The following MAP9 variants were observed in gnomAD, a reference collection of about 807,000 sequenced individuals.
MAP9 encodes the protein microtubule associated protein 9.
Under a neutral mutation model 75.2 loss-of-function variants are expected in MAP9, and 80 were observed. The observed-to-expected ratio is 1.06, with a 90% CI of 0.89 to 1.28. MAP9 has a LOEUF of 1.28. Ranked by LOEUF, MAP9 falls within the 50% of genes most tolerant of loss-of-function variation. The pLI is 0.00. For missense variants in MAP9, 753 were observed against 719.9 expected (o/e 1.05, Z -0.53); for synonymous variants, 235 against 237.3 (o/e 0.99, Z 0.09).
intron 5 of MAP9, chr4:155,363,050 G>C (rs1042488323): frequency 4.6e-5 from 7 of 152,098 alleles, no homozygotes; most frequent in African/African-American, 1.7e-4. Flanking sequence ...CTGAGTCTAG[G>C]ACCATCAGAT....
chr4:155,365,413 A>G (rs1054410555), intron 5 of MAP9, among the ~76,000 whole-genome samples: 4 of 152,130 alleles, frequency 2.6e-5, no homozygotes, highest in Non-Finnish European at 5.9e-5. Flanking sequence ...ACATAACTGG[A>G]TATTTTAATA....
intron 8 of MAP9, chr4:155,357,012 A>G (rs572313512): frequency 4.1e-4 from 68 of 165,490 alleles, no homozygotes; most frequent in Non-Finnish European, 7.8e-4. Flanking sequence ...TTCTCATGTT[A>G]GACAATGATA....
At position 155,346,486 on chromosome 4, in the gene MAP9, T is replaced by A. The variant is rs775320775; in HGVS notation, c.*1297A>T. 2 of 152,140 alleles carry A rather than the reference T, an allele frequency of 1.3e-5. No individual in the cohort carries two copies. The highest frequency in any genetic ancestry group is 2.9e-5 in the Non-Finnish European group (2 of 68,038). The allele number at this position is 152,140 out of a possible 1,614,324, so 9.4% of individuals were successfully genotyped here. On this transcript the variant is annotated 3_prime_UTR_variant, in exon 14 of 14. Transcript: ENST00000311277. Reference sequence around the variant, plus strand: ...AGAAGTGTGAAAAAGAGCATAGAGATTTCAGAAGGAGGCAGATTCAGTCAG... The same window carrying A: ...AGAAGTGTGAAAAAGAGCATAGAGAATTCAGAAGGAGGCAGATTCAGTCAG...
In MAP9 at chr4:155,373,189, T is replaced by G. The variant is rs1732680629; in HGVS notation, c.428A>C (p.Lys143Thr). The change falls in exon 4 of 14, where the codon AAA (lysine) becomes ACA (threonine). Residue 143 changes from lysine to threonine, a missense_variant. Coordinates refer to ENST00000311277, the MANE Select transcript of MAP9 (RefSeq NM_001039580.2). ...QNKDEEFEKD[K>T]IKMKPKPRIL... Reference sequence around the variant, plus strand: ...TCTGGGTTTAGGTTTCATTTTTATTTTGTCTTTTTCAAATTCCTCATCCTT... The same window carrying G: ...TCTGGGTTTAGGTTTCATTTTTATTGTGTCTTTTTCAAATTCCTCATCCTT... 3.8e-6 allele frequency: 6 copies of G among 1,597,886 alleles called. No individual in the cohort carries two copies. Among genetic ancestry groups the G allele is most frequent in the Non-Finnish European group, 4.3e-6 (5 of 1,173,732 alleles).
At chr4:155,375,086 T>C in intron 2 of MAP9, 65 bp from the exon 3 acceptor site, 1 of 1,182,206 alleles carries the variant, frequency 8.5e-7, no homozygotes, top group Non-Finnish European at 1.2e-6. Flanking sequence ...CAAGTAATTC[T>C]TTAAACAAAC....
At chr4:155,348,122 GC>G (rs1731351518) in intron 13 of MAP9, among the ~76,000 whole-genome samples, 1 of 152,124 alleles carries the variant, frequency 6.6e-6, no homozygotes, top group Admixed American at 6.6e-5. Flanking sequence ...GATTGTTTGA[GC>G]CTGGGAGTTC....
rs1251212750 is a variant in MAP9, at chr4:155,344,325, C to T, written c.*3458G>A. On this transcript the variant is annotated 3_prime_UTR_variant, in exon 14 of 14. Coordinates refer to ENST00000311277, the MANE Select transcript of MAP9 (RefSeq NM_001039580.2). The stretch of plus-strand genomic sequence containing the variant: ...GTTAGTGTGAAAGTTTTATCAATAT[C>T]GAAATTGTGGAATGGTGAGCAGAAT... 6.6e-6 allele frequency: 1 copy of T among 151,736 alleles called. No individual in the cohort carries two copies. The highest frequency in any genetic ancestry group is 1.9e-4 in the East Asian group (1 of 5,182). 9.4% of individuals were successfully genotyped at this position (151,736 alleles called of 1,614,324 possible). A position where few individuals can be genotyped will look rare whatever the true frequency, so the allele number is the denominator to read the frequency against.
At chr4:155,357,118 G>A (rs1218212693) in intron 8 of MAP9, 1 of 225,404 alleles carries the variant, frequency 4.4e-6, no homozygotes, top group African/African-American at 2.4e-5. Context: ...CTCTATTCCA[G>A]AAGCAGTCTG....
intron 3 of MAP9, 84 bp downstream of exon 3, chr4:155,374,852 GA>G (rs1732767439): frequency 2.7e-6 from 2 of 731,906 alleles, no homozygotes; most frequent in Admixed American, 4.9e-5. Context: ...TGATTGAGGG[GA>G]TGGGTGGTTG....
chr4:155,361,679 C>G (rs1246855804), intron 6 of MAP9, among the ~76,000 whole-genome samples: 1 of 152,068 alleles, frequency 6.6e-6, no homozygotes, highest in Admixed American at 6.6e-5. Flanking sequence ...CTTAGTCTCA[C>G]TTTAAAATTC....
chr4:155,351,328 C>A (rs984512091), intron 13 of MAP9: 2 of 151,262 alleles, frequency 1.3e-5, no homozygotes, highest in African/African-American at 4.9e-5. Context: ...GGGCAAATTC[C>A]AAGCAGAACA....
At chr4:155,371,884 T>C (rs957547032) in intron 4 of MAP9, among the ~76,000 whole-genome samples, 16 of 152,208 alleles carry the variant, frequency 1.1e-4, no homozygotes, top group Non-Finnish European at 2.2e-4. Context: ...CTCTCCAGCA[T>C]TGATTTCACT....
chr4:155,344,192 C>A lies in MAP9; in HGVS notation c.*3591G>T, dbSNP rs1731204725. On this transcript the variant is annotated 3_prime_UTR_variant, in exon 14 of 14. Coordinates refer to ENST00000311277, the MANE Select transcript of MAP9 (RefSeq NM_001039580.2). Reference sequence around the variant, plus strand: ...TTCCCCTCACTTTAAAGTGTAGGTACCCAAATAGCTTTGATCTGGTGGACA... The same window carrying A: ...TTCCCCTCACTTTAAAGTGTAGGTAACCAAATAGCTTTGATCTGGTGGACA... 1 of 151,826 alleles carries A rather than the reference C, an allele frequency of 6.6e-6. No individual in the cohort carries two copies. Among genetic ancestry groups the A allele is most frequent in the South Asian group, 2.1e-4 (1 of 4,826 alleles). 9.4% of individuals were successfully genotyped at this position (151,826 alleles called of 1,614,324 possible).
chr4:155,375,983 TC>T, intron 1 of MAP9, 69 bp from the exon 2 acceptor site: 1 of 590,620 alleles, frequency 1.7e-6, no homozygotes, highest in East Asian at 2.9e-5. Flanking sequence ...GATTCTACTC[TC>T]CCCACAAAGG....
chr4:155,348,457 T>C (rs1731365676), intron 13 of MAP9, among the ~76,000 whole-genome samples: 1 of 152,114 alleles, frequency 6.6e-6, no homozygotes, highest in South Asian at 2.1e-4. Flanking sequence ...AAAAGAATTG[T>C]ATAAAATAGA....
chr4:155,371,943 ATC>A (rs897922845), intron 4 of MAP9, among the ~76,000 whole-genome samples: 2 of 152,184 alleles, frequency 1.3e-5, no homozygotes, highest in African/African-American at 2.4e-5. Flanking sequence ...TTCATTATGC[ATC>A]TGTTTGCATT....
At chr4:155,367,539 A>G (rs913287132) in intron 5 of MAP9, 2 of 152,288 alleles carry the variant, frequency 1.3e-5, no homozygotes, top group African/African-American at 4.8e-5. Context: ...TACAGCAGCT[A>G]CAAGAAACTA....
chr4:155,361,898 C>T (rs995659386), intron 6 of MAP9, 150 bp downstream of exon 6: 1 of 532,028 alleles, frequency 1.9e-6, no homozygotes, highest in African/African-American at 2.0e-5. Context: ...TCCAAAATCA[C>T]AGTTAGTTAA....
chr4:155,351,597 A>G (rs754490487), intron 13 of MAP9, among the ~76,000 whole-genome samples: 2 of 151,902 alleles, frequency 1.3e-5, no homozygotes, highest in Non-Finnish European at 2.9e-5. Flanking sequence ...TCCCCAGTAC[A>G]AAACAAAAGA....
Sources: gnomAD v4.1 joint callset for allele counts (sites outside exome capture counted in the v4.1 genomes callset) on GRCh38, gnomAD v4.1.1 for gene constraint, MANE v1.5 for transcripts, NCBI Gene and HGNC (gene_info 2026-07-23, HGNC 2026-07-21) for gene names.